Variants in NTM observed in about 807,000 individuals in gnomAD.
The protein encoded by NTM is IgLON family member 2.
A neutral mutation model predicts 42.1 loss-of-function variants in NTM; 13 were observed. The observed-to-expected ratio is 0.31, with a 90% CI of 0.20 to 0.49. The LOEUF (loss-of-function observed/expected upper bound fraction) is 0.49, where lower values mean the gene tolerates loss of function less well. Among genes scored for constraint, NTM ranks in the 20% least tolerant of loss-of-function variants. NTM has a pLI of 0.99. For missense variants in NTM, 373 were observed against 452.8 expected (o/e 0.82, Z 1.60); for synonymous variants, 187 against 179.2 (o/e 1.04, Z -0.35).
chr11:131,997,478 G>C (rs772615987), intron 2 of NTM, among the ~76,000 whole-genome samples: 2 of 152,162 alleles, frequency 1.3e-5, no homozygotes, highest in Non-Finnish European at 2.9e-5. Context: ...AAGGACCCTC[G>C]ATGGGCCTCA....
intron 1 of NTM, among the ~76,000 whole-genome samples, chr11:131,417,700 A>C (rs1455357475): frequency 6.6e-6 from 1 of 152,230 alleles, no homozygotes; most frequent in Non-Finnish European, 1.5e-5. Flanking sequence ...TGATCAAGAA[A>C]TAAGGATCAA....
chr11:131,910,605 C>A (rs1441811251), intron 1 of NTM, among the ~76,000 whole-genome samples: 1 of 150,792 alleles, frequency 6.6e-6, no homozygotes, highest in East Asian at 2.0e-4. Context: ...GGTCGGGGCC[C>A]GCGCGCGTCG....
intron 1 of NTM, chr11:131,534,421 G>C (rs1004864093): frequency 6.6e-6 from 1 of 152,214 alleles, no homozygotes; most frequent in Non-Finnish European, 1.5e-5. Context: ...TTAGAATTAA[G>C]TTTTAGTTAT....
chr11:131,807,477 G>A (rs2092557786), intron 1 of NTM, among the ~76,000 whole-genome samples: 1 of 152,188 alleles, frequency 6.6e-6, no homozygotes, highest in Non-Finnish European at 1.5e-5. Flanking sequence ...AGCAGTGTGG[G>A]CTCTGGATTC....
At chr11:131,426,437 C>G (rs1948143676) in intron 1 of NTM, among the ~76,000 whole-genome samples, 1 of 152,082 alleles carries the variant, frequency 6.6e-6, no homozygotes, top group Non-Finnish European at 1.5e-5. Flanking sequence ...CAAAGGAGCC[C>G]CGTATGCTGT....
intron 1 of NTM, among the ~76,000 whole-genome samples, chr11:131,703,831 C>A (rs1236030262): frequency 1.3e-5 from 2 of 152,064 alleles, no homozygotes; most frequent in African/African-American, 2.4e-5. Flanking sequence ...TGCTGCAGAC[C>A]CAACACCAGG....
intron 3 of NTM, among the ~76,000 whole-genome samples, chr11:132,192,505 C>T (rs1218308603): frequency 1.3e-5 from 2 of 152,206 alleles, no homozygotes; most frequent in Non-Finnish European, 2.9e-5. Context: ...ACAAGAGTTC[C>T]TAAAGGGAGT....
At chr11:131,500,107 C>G (rs2046553922) in intron 1 of NTM, among the ~76,000 whole-genome samples, 1 of 152,184 alleles carries the variant, frequency 6.6e-6, no homozygotes, top group Non-Finnish European at 1.5e-5. Context: ...TTCTCACTCC[C>G]ACGTGACATC....
intron 4 of NTM, among the ~76,000 whole-genome samples, chr11:132,283,871 T>C (rs1311353825): frequency 6.6e-6 from 1 of 152,116 alleles, no homozygotes; most frequent in East Asian, 1.9e-4. Flanking sequence ...ACTAAGCTCT[T>C]GCCCAGGCCC....
intron 4 of NTM, among the ~76,000 whole-genome samples, chr11:132,273,689 A>C (rs771232429): frequency 3.3e-5 from 5 of 152,004 alleles, no homozygotes; most frequent in Non-Finnish European, 4.4e-5. Context: ...GGCATATCAC[A>C]TGAGGTCAGG....
intron 1 of NTM, among the ~76,000 whole-genome samples, chr11:131,474,784 G>A (rs147855674): frequency 3.9e-5 from 6 of 151,948 alleles, no homozygotes; most frequent in East Asian, 1.9e-4. Flanking sequence ...TTGGACTATC[G>A]CAATAGCCCC....
chr11:131,648,164 C>T (rs1225591798), intron 1 of NTM, among the ~76,000 whole-genome samples: 2 of 152,150 alleles, frequency 1.3e-5, no homozygotes, highest in African/African-American at 2.4e-5. Flanking sequence ...CAGCTCCATC[C>T]ATGTTGCCGC....
chr11:132,000,887 A>G (rs1381445457), intron 2 of NTM, among the ~76,000 whole-genome samples: 2 of 152,238 alleles, frequency 1.3e-5, no homozygotes, highest in African/African-American at 4.8e-5. Flanking sequence ...ATGACTTTTT[A>G]CTGGCGTTTA....
chr11:131,523,707 T>C (rs1001056310), intron 1 of NTM, among the ~76,000 whole-genome samples: 2 of 141,756 alleles, frequency 1.4e-5, no homozygotes, highest in Admixed American at 7.7e-5. Flanking sequence ...AAGAATAGCT[T>C]GAACCCAGGT....
chr11:132,102,395 A>T (rs2061729266), intron 2 of NTM, among the ~76,000 whole-genome samples: 2 of 152,112 alleles, frequency 1.3e-5, no homozygotes, highest in South Asian at 4.2e-4. Context: ...CTAAGAAGAG[A>T]GTCAGTGTGC....
chr11:131,433,959 CA>C (rs1948902818), intron 1 of NTM, among the ~76,000 whole-genome samples: 1 of 152,156 alleles, frequency 6.6e-6, no homozygotes. Flanking sequence ...TCCCCAACCC[CA>C]CAATAGGCAC....
chr11:131,425,324 T>C (rs777359959), intron 1 of NTM, among the ~76,000 whole-genome samples: 13 of 152,204 alleles, frequency 8.5e-5, no homozygotes, highest in African/African-American at 1.2e-4. Flanking sequence ...AAACGCCCTA[T>C]AGTTCCTGCC....
intron 1 of NTM, among the ~76,000 whole-genome samples, chr11:131,586,020 C>T (rs2137232830): frequency 6.6e-6 from 1 of 152,338 alleles, no homozygotes; most frequent in South Asian, 2.1e-4. Flanking sequence ...CGTAACTGGT[C>T]TCTAAAAGTT....
intron 2 of NTM, among the ~76,000 whole-genome samples, chr11:132,138,628 C>T (rs2068470368): frequency 1.1e-5 from 1 of 89,982 alleles, no homozygotes; most frequent in Non-Finnish European, 2.5e-5. Flanking sequence ...CTATTCTAAT[C>T]TATCGAGAGA....
Sources: allele counts gnomAD v4.1 joint callset (sites outside exome capture counted in the v4.1 genomes callset), GRCh38; gene constraint gnomAD v4.1.1; transcripts MANE v1.5; gene names NCBI Gene and HGNC (gene_info 2026-07-23, HGNC 2026-07-21).